Variants in GRIA4 observed in about 807,000 individuals in gnomAD.
The protein encoded by GRIA4 is glutamate receptor 4.
GRIA4 carries 34 observed loss-of-function variants against 104.0 expected under a neutral mutation model. That is an observed-to-expected ratio of 0.33 (90% CI 0.25 to 0.44). The LOEUF (loss-of-function observed/expected upper bound fraction) is 0.44. Ranked by LOEUF, GRIA4 falls within the 20% of genes least tolerant of loss-of-function variation. GRIA4 has a pLI of 1.00. For missense variants in GRIA4, 750 were observed against 1,096.5 expected, an observed-to-expected ratio of 0.68 and a Z score of 4.46; for synonymous variants, 386 against 381.9, an observed-to-expected ratio of 1.01 and a Z score of -0.13.
chr11:105,979,918 G>T lies in GRIA4; in HGVS notation c.*179G>T, dbSNP rs1859190364. On this transcript the variant is annotated 3_prime_UTR_variant, in exon 17 of 17. Coordinates refer to ENST00000282499, the MANE Select transcript of GRIA4 (RefSeq NM_000829.4). The stretch of plus-strand genomic sequence containing the variant: ...AGCAACGTGTGCATGAGCTCAGCTC[G>T]GAAACCCAAACTCAGATTTTATATC... 2.0e-6 allele frequency: 1 copy of T among 494,310 alleles called. No individual in the cohort carries two copies. The highest frequency in any genetic ancestry group is 3.6e-6 in the Non-Finnish European group (1 of 275,658). 30.6% of individuals were successfully genotyped at this position (494,310 alleles called of 1,614,324 possible).
rs992514838 is a variant in GRIA4 at position 105,981,867 on chromosome 11, C to G, written c.*2128C>G. The G allele has an allele frequency of 6.5e-6, 1 of 152,752 alleles. No homozygotes were observed. The highest frequency in any genetic ancestry group is 1.5e-5 in the Non-Finnish European group (1 of 68,202). 9.5% of individuals were successfully genotyped at this position (152,752 alleles called of 1,614,324 possible). A position where few individuals can be genotyped will look rare whatever the true frequency, so the allele number is the denominator to read the frequency against. On this transcript the variant is annotated 3_prime_UTR_variant, in exon 17 of 17. Transcript: ENST00000282499. ...AAAGATTTCCATGGCTATCCACCACCCCCCTGCCTGTGAGACTGAGTTAGG... is the reference window on the plus strand; with the variant it reads ...AAAGATTTCCATGGCTATCCACCACGCCCCTGCCTGTGAGACTGAGTTAGG...
chr11:105,970,065 C>T (rs550895938), intron 14 of GRIA4, among the ~76,000 whole-genome samples: 1 of 152,008 alleles, frequency 6.6e-6, no homozygotes, highest in South Asian at 2.1e-4. Context: ...ACCAGGCACC[C>T]CAATTAACCA....
chr11:105,816,695 C>T (rs551433730), intron 4 of GRIA4, among the ~76,000 whole-genome samples: 1 of 152,152 alleles, frequency 6.6e-6, no homozygotes, highest in Admixed American at 6.5e-5. Context: ...TTATTTCCAT[C>T]AGTAGCAGAG....
At chr11:105,690,263 C>T (rs1375422563) in intron 3 of GRIA4, among the ~76,000 whole-genome samples, 2 of 152,176 alleles carry the variant, frequency 1.3e-5, no homozygotes, top group East Asian at 3.9e-4. Context: ...AGCAAGTTTA[C>T]TCTTACCTTT....
intron 3 of GRIA4, among the ~76,000 whole-genome samples, chr11:105,630,347 T>A (rs994809503): frequency 6.6e-6 from 1 of 151,164 alleles, no homozygotes; most frequent in African/African-American, 2.4e-5. Context: ...GGGTGGATCA[T>A]GAGGCCAGGA....
At chr11:105,785,262 G>C (rs540393455) in intron 4 of GRIA4, among the ~76,000 whole-genome samples, 116 of 151,802 alleles carry the variant, frequency 7.6e-4, no homozygotes, top group Non-Finnish European at 4.9e-4. Context: ...AAATAAATGA[G>C]GTACAATCCA....
At chr11:105,847,000 CG>C (rs1482020061) in intron 4 of GRIA4, among the ~76,000 whole-genome samples, 2 of 152,080 alleles carry the variant, frequency 1.3e-5, no homozygotes, top group Non-Finnish European at 2.9e-5. Context: ...CACCGGGGAC[CG>C]GTTTCCTGGA....
intron 13 of GRIA4, among the ~76,000 whole-genome samples, chr11:105,928,242 C>CCT (rs1415443177): frequency 5.9e-5 from 9 of 151,880 alleles, no homozygotes; most frequent in Admixed American, 3.3e-4. Flanking sequence ...CATCCCTGGG[C>CCT]ATTGTTTAGA....
At chr11:105,684,320 T>C (rs1480553697) in intron 3 of GRIA4, among the ~76,000 whole-genome samples, 1 of 151,996 alleles carries the variant, frequency 6.6e-6, no homozygotes, top group Non-Finnish European at 1.5e-5. Context: ...AACACAGAAA[T>C]AACACGATTT....
In GRIA4 at chr11:105,835,058, G is replaced by A. The variant is rs112680846; in HGVS notation, c.488-26966G>A. On this transcript the variant is annotated intron_variant, in intron 4 of 16. Coordinates refer to ENST00000282499, the MANE Select transcript of GRIA4 (RefSeq NM_000829.4). Reference sequence around the variant, plus strand: ...TACTTTTGAGAAATGTGAATATTAAGTTGAAATTCCCAAAGAGCTGAAATA... The same window carrying A: ...TACTTTTGAGAAATGTGAATATTAAATTGAAATTCCCAAAGAGCTGAAATA... Among the ~76,000 whole-genome samples the A allele has an allele frequency of 5.3e-3, 809 of 152,006 alleles. 7 individuals carry two copies. Among genetic ancestry groups the A allele is most frequent in the African/African-American group, 0.019 (770 of 41,530 alleles).
intron 3 of GRIA4, among the ~76,000 whole-genome samples, chr11:105,627,368 G>T (rs1445604): frequency 0.43 from 65,624 of 151,796 alleles, 15,082 homozygotes; most frequent in Non-Finnish European, 0.53. Context: ...GAGGGGCCTT[G>T]TAAACTGCCC....
chr11:105,757,883 T>A (rs1940401059), intron 4 of GRIA4, among the ~76,000 whole-genome samples: 1 of 151,954 alleles, frequency 6.6e-6, no homozygotes, highest in Admixed American at 6.6e-5. Context: ...AGTATAGGAG[T>A]TCAAAAGTTC....
At chr11:105,744,575 A>G (rs914961701) in intron 3 of GRIA4, among the ~76,000 whole-genome samples, 1 of 152,140 alleles carries the variant, frequency 6.6e-6, no homozygotes, top group African/African-American at 2.4e-5. Context: ...CTCACCTCAA[A>G]GCATTCATAT....
chr11:105,721,718 T>C (rs1197328517), intron 3 of GRIA4, among the ~76,000 whole-genome samples: 1 of 152,142 alleles, frequency 6.6e-6, no homozygotes, highest in African/African-American at 2.4e-5. Context: ...CTTTATATTA[T>C]CTCCCTTCTG....
At chr11:105,947,124 A>C (rs1430883055) in intron 14 of GRIA4, among the ~76,000 whole-genome samples, 2 of 152,198 alleles carry the variant, frequency 1.3e-5, no homozygotes, top group Non-Finnish European at 2.9e-5. Context: ...AAAACATAAT[A>C]TCTATTTATG....
At chr11:105,674,207 T>A (rs1952464505) in intron 3 of GRIA4, among the ~76,000 whole-genome samples, 1 of 152,070 alleles carries the variant, frequency 6.6e-6, no homozygotes, top group South Asian at 2.1e-4. Flanking sequence ...TTATGAAATA[T>A]GCATATATCT....
At chr11:105,858,459 G>C (rs1323438877) in intron 4 of GRIA4, among the ~76,000 whole-genome samples, 1 of 152,054 alleles carries the variant, frequency 6.6e-6, no homozygotes, top group Non-Finnish European at 1.5e-5. Flanking sequence ...TCACATCAGA[G>C]TAACTTAGTA....
chr11:105,636,461 C>T (rs1344357788), intron 3 of GRIA4, among the ~76,000 whole-genome samples: 1 of 152,164 alleles, frequency 6.6e-6, no homozygotes, highest in African/African-American at 2.4e-5. Context: ...CCCTACCTGA[C>T]ACACATACCA....
intron 5 of GRIA4, among the ~76,000 whole-genome samples, chr11:105,874,366 G>A (rs1002747136): frequency 1.3e-5 from 2 of 152,092 alleles, no homozygotes; most frequent in Non-Finnish European, 2.9e-5. Context: ...CTCTGACTTT[G>A]TTCTATTTGC....
Sources: gnomAD v4.1 joint callset for allele counts (sites outside exome capture counted in the v4.1 genomes callset) on GRCh38, gnomAD v4.1.1 for gene constraint, MANE v1.5 for transcripts, NCBI Gene and HGNC (gene_info 2026-07-23, HGNC 2026-07-21) for gene names.